ALG14: variants seen among roughly 807,000 people sequenced by gnomAD.
The protein encoded by ALG14 is ALG14 UDP-N-acetylglucosaminyltransferase subunit.
A neutral mutation model predicts 22.8 loss-of-function variants in ALG14; 17 were observed. The ratio of observed to expected loss-of-function variants is 0.75; its 90% CI spans 0.51 to 1.12. The LOEUF is 1.12. Among genes scored for constraint, ALG14 ranks in the 50% most tolerant of loss-of-function variants. ALG14 has a pLI of 0.00. For synonymous variants in ALG14, 89 were observed against 103.7 expected (o/e 0.86, Z 0.86); for missense variants, 288 against 271.8 (o/e 1.06, Z -0.42).
chr1:95,052,307 A>G lies in ALG14; in HGVS notation c.288+12559T>C, dbSNP rs575713610. On this transcript the variant is annotated intron_variant, in intron 2 of 3. Coordinates refer to ENST00000370205, the MANE Select transcript of ALG14 (RefSeq NM_144988.4). The stretch of plus-strand genomic sequence containing the variant: ...AAATGCCATATAAATATACATCTAA[A>G]TAAGCACAACTGTATAAAGCAATAA... 1.8e-4 allele frequency among the ~76,000 whole-genome samples: 28 copies of G among 152,354 alleles called. No homozygotes were observed. In the South Asian group the frequency reaches 4.6e-3, roughly 25 times the overall value.
intron 2 of ALG14, among the ~76,000 whole-genome samples, chr1:95,032,226 T>C (rs1393738774): frequency 6.6e-6 from 1 of 152,086 alleles, no homozygotes; most frequent in Non-Finnish European, 1.5e-5. Flanking sequence ...CATTACACAG[T>C]AATATAAATC....
intron 2 of ALG14, among the ~76,000 whole-genome samples, chr1:95,028,608 A>C (rs566239626): frequency 1.3e-5 from 2 of 152,314 alleles, no homozygotes; most frequent in Admixed American, 1.3e-4. Flanking sequence ...TTCTGAGGTC[A>C]GGAGTTTGAG....
In ALG14 at chr1:95,027,175, G is replaced by A. The variant is rs941092760; in HGVS notation, c.374C>T (p.Ser125Phe). ...WPSTVFTTLH[S>F]MWLSFPLIHR... ...AATTAGGGGAAAGGAGAGCCACATG[G>A]AGTGCAAGGTGGTGAAAACGGTGGA... The change falls in exon 3 of 4, where the codon TCC becomes TTC. Residue 125 changes from serine (S) to phenylalanine (F), a missense_variant. By Grantham distance (155) the Ser-to-Phe change is radical (BLOSUM62 -2). Coordinates refer to ENST00000370205, the MANE Select transcript of ALG14 (RefSeq NM_144988.4). 2.5e-6 allele frequency: 4 copies of A among 1,614,060 alleles called. No individual in the cohort carries two copies. The African/African-American group carries it at 4.0e-5, about 16-fold the overall frequency.
At chr1:95,062,507 T>C (rs1454772885) in intron 2 of ALG14, among the ~76,000 whole-genome samples, 4 of 152,094 alleles carry the variant, frequency 2.6e-5, no homozygotes, top group African/African-American at 4.8e-5. Flanking sequence ...TACCCATGTA[T>C]TCTCATTGTT....
At chr1:95,002,216 C>A (rs549874692) in intron 3 of ALG14, among the ~76,000 whole-genome samples, 1 of 152,106 alleles carries the variant, frequency 6.6e-6, no homozygotes, top group South Asian at 2.1e-4. Flanking sequence ...ATCTCATGGG[C>A]CAATATTGAT....
At chr1:95,026,498 GTGTGTA>G (rs1432874374) in intron 3 of ALG14, among the ~76,000 whole-genome samples, 29 of 150,858 alleles carry the variant, frequency 1.9e-4, no homozygotes, top group African/African-American at 6.2e-4. Context: ...GTGTGTGTGT[GTGTGTA>G]TGTGTGTGTG....
intron 2 of ALG14, among the ~76,000 whole-genome samples, chr1:95,040,471 TG>T (rs1674344481): frequency 6.6e-6 from 1 of 152,198 alleles, no homozygotes; most frequent in Non-Finnish European, 1.5e-5. Flanking sequence ...TGACTAAAAC[TG>T]TAAGTACATC....
At chr1:95,048,514 G>T (rs752780734) in intron 2 of ALG14, among the ~76,000 whole-genome samples, 2 of 152,118 alleles carry the variant, frequency 1.3e-5, no homozygotes, top group Non-Finnish European at 2.9e-5. Flanking sequence ...ACACTGCAAT[G>T]CCCTGAGCCT....
chr1:94,999,343 A>ATT (rs548389921), intron 3 of ALG14, among the ~76,000 whole-genome samples: 486 of 108,674 alleles, frequency 4.5e-3, no homozygotes, highest in East Asian at 9.1e-3. Flanking sequence ...CAGTAGACCC[A>ATT]TTTTTTTTTT....
rs151088933 is a variant in ALG14 at position 95,064,855 on chromosome 1, T to C, written c.288+11A>G. On this transcript the variant is annotated intron_variant, in intron 2 of 3. Coordinates refer to ENST00000370205, the MANE Select transcript of ALG14 (RefSeq NM_144988.4). ...CTTGTAATTTTCTTAGAAATAGAAA[T>C]TGTCACTTACCATGTTACTAGGGTC... 2,739 of 1,600,286 alleles carry C rather than the reference T, an allele frequency of 1.7e-3. 65 individuals carry two copies. The Admixed American group carries it at 0.041, about 24-fold the overall frequency.
intron 3 of ALG14, among the ~76,000 whole-genome samples, chr1:94,999,057 T>C (rs1411049896): frequency 1.3e-5 from 2 of 152,232 alleles, no homozygotes; most frequent in East Asian, 1.9e-4. Context: ...TTTTATATAA[T>C]ACCTGTACAA....
At position 94,976,062 on chromosome 1, in the gene ALG14, C is replaced by T. The variant is rs1349866790; in HGVS notation, c.*7014G>A. ...AAAAGAAAGAAGAGCCTCCTTAACA[C>T]ACCAGGGGAGCTACCACTGATGGAG... On this transcript the variant is annotated 3_prime_UTR_variant, in exon 4 of 4. Coordinates refer to ENST00000370205, the MANE Select transcript of ALG14 (RefSeq NM_144988.4). 1 of 146,650 alleles carries T rather than the reference C, an allele frequency of 6.8e-6. No individual in the cohort carries two copies. The highest frequency in any genetic ancestry group is 2.5e-5 in the African/African-American group (1 of 39,540). 9.1% of individuals were successfully genotyped at this position (146,650 alleles called of 1,614,324 possible). A position where few individuals can be genotyped will look rare whatever the true frequency, so the allele number is the denominator to read the frequency against.
rs1328819391 is a variant in ALG14, at chr1:95,072,880, G to C, written c.19C>G (p.Leu7Val). The C allele has an allele frequency of 7.4e-6, 12 of 1,614,102 alleles. No individual in the cohort carries two copies. The highest frequency in any genetic ancestry group is 1.0e-5 in the Non-Finnish European group (12 of 1,180,018). Residue 7 changes from leucine to valine, a missense_variant, in exon 1 of 4, where the codon CTA becomes GTA. Physicochemically the swap from Leu to Val is conservative, Grantham distance 32. Transcript: ENST00000370205. ...GCCACAGCTCCTGCGGCCGCAGCTA[G>C]AACGAGAACGCACACCATGCAGAGA... The part of the protein sequence containing the change: MVCVLV[L>V]AAAAGAVAVF...
Position 94,976,601 on chromosome 1 carries a change from A to G in ALG14, c.*6475T>C, listed in dbSNP as rs1672401371. On this transcript the variant is annotated 3_prime_UTR_variant, in exon 4 of 4. Transcript: ENST00000370205. ...CAGCTAGTCAGGCGGCTGAGGCACG[A>G]GAATCGCTTGAACCAGGGAGGTAGA... is the stretch of plus-strand genomic sequence containing the variant. 6.6e-6 allele frequency: 1 copy of G among 152,154 alleles called. No individual in the cohort carries two copies. Among genetic ancestry groups the G allele is most frequent in the South Asian group, 2.1e-4 (1 of 4,816 alleles). The allele number at this position is 152,154 out of a possible 1,614,324, so 9.4% of individuals were successfully genotyped here.
intron 3 of ALG14, among the ~76,000 whole-genome samples, chr1:95,020,200 G>C (rs976953961): frequency 1.3e-5 from 2 of 151,084 alleles, no homozygotes; most frequent in African/African-American, 2.4e-5. Flanking sequence ...CTGGGCAACA[G>C]AGTGAGACTG....
chr1:94,983,252 G>GGA lies in ALG14; in HGVS notation c.473_474dup (p.Leu159SerfsTer5). The GGA allele has an allele frequency of 6.2e-7, 1 of 1,614,108 alleles. No homozygotes were observed. Among genetic ancestry groups the GGA allele is most frequent in the Non-Finnish European group, 8.5e-7 (1 of 1,180,008 alleles). Reference sequence around the variant, plus strand: ...ACTTTCTTTATTCCTAGTATCCCAAGGAGAAGGGCAGATACACAGATAGGA... The same window carrying GGA: ...ACTTTCTTTATTCCTAGTATCCCAAGGAGAGAAGGGCAGATACACAGATAGGA... On this transcript the variant is annotated frameshift_variant, in exon 4 of 4. Coordinates refer to ENST00000370205, the MANE Select transcript of ALG14 (RefSeq NM_144988.4). LOFTEE classifies it high-confidence loss of function.
chr1:95,058,340 G>A (rs965448416), intron 2 of ALG14, among the ~76,000 whole-genome samples: 3 of 146,122 alleles, frequency 2.1e-5, no homozygotes, highest in Non-Finnish European at 4.5e-5. Flanking sequence ...ATAGCCGGGC[G>A]TAGTGGCTCA....
At chr1:95,056,854 C>T (rs1163498189) in intron 2 of ALG14, among the ~76,000 whole-genome samples, 13 of 150,666 alleles carry the variant, frequency 8.6e-5, no homozygotes, top group Admixed American at 4.6e-4. Flanking sequence ...GTCAGGAGTT[C>T]GAGACCAGCC....
intron 2 of ALG14, among the ~76,000 whole-genome samples, chr1:95,032,175 A>T (rs1217097239): frequency 1.6e-4 from 23 of 139,712 alleles, no homozygotes; most frequent in Admixed American, 1.6e-3. Context: ...AGTTTGTAGT[A>T]AAAAAAAAAA....
Sources: allele counts gnomAD v4.1 joint callset (sites outside exome capture counted in the v4.1 genomes callset), GRCh38; gene constraint gnomAD v4.1.1; transcripts MANE v1.5; gene names NCBI Gene and HGNC (gene_info 2026-07-23, HGNC 2026-07-21).